The following GPC3 variants were observed in gnomAD, a reference collection of about 807,000 sequenced individuals.
GPC3 encodes the protein glypican-3.
Under a neutral mutation model 34.4 loss-of-function variants are expected in GPC3, and 3 were observed. That is an observed-to-expected ratio of 0.09 (90% confidence interval 0.04 to 0.23). The LOEUF is 0.23. Ranked by LOEUF, GPC3 falls within the 10% of genes least tolerant of loss-of-function variation. The pLI, the probability that GPC3 is intolerant of heterozygous loss-of-function variation, is 1.00. For synonymous variants in GPC3, 177 were observed against 174.0 expected, an observed-to-expected ratio of 1.02 and a Z score of -0.13; for missense variants, 351 against 445.6, an observed-to-expected ratio of 0.79 and a Z score of 1.91.
At chrX:133,728,598 G>GTATC (rs1443625704) in intron 3 of GPC3, among the ~76,000 whole-genome samples, 1 of 112,603 alleles carries the variant, frequency 8.9e-6, no homozygotes, top group Non-Finnish European at 1.9e-5. Flanking sequence ...TCTCAGCACT[G>GTATC]TATCTATGCA....
intron 3 of GPC3, among the ~76,000 whole-genome samples, chrX:133,729,785 T>G (rs1603234993): frequency 8.9e-6 from 1 of 112,189 alleles, no homozygotes. Context: ...AACATTTAAA[T>G]GTAACATTCA....
intron 7 of GPC3, among the ~76,000 whole-genome samples, chrX:133,577,911 C>T (rs2069700471): frequency 8.9e-6 from 1 of 111,794 alleles, no homozygotes. Context: ...CAGCTTTTAT[C>T]ATTCTAACAC....
intron 2 of GPC3, among the ~76,000 whole-genome samples, chrX:133,858,908 C>T (rs527741603): frequency 4.5e-4 from 49 of 109,291 alleles, no homozygotes; most frequent in Middle Eastern, 4.7e-3. Context: ...GGTGAAACCC[C>T]GTCTCTACTA....
At chrX:133,650,661 G>A (rs907137837) in intron 6 of GPC3, among the ~76,000 whole-genome samples, 1 of 111,079 alleles carries the variant, frequency 9.0e-6, no homozygotes, top group South Asian at 3.8e-4. Flanking sequence ...AACTGGAAAC[G>A]TTGTAGTCTC....
At chrX:133,791,867 CTCTT>C (rs2072167390) in intron 2 of GPC3, among the ~76,000 whole-genome samples, 2 of 96,577 alleles carry the variant, frequency 2.1e-5, no homozygotes. Context: ...CTCCCTCTCT[CTCTT>C]TCTTTTCTTT....
In GPC3 at chrX:133,827,521, A is replaced by G. The variant is rs759828645; in HGVS notation, c.338-73345T>C. Among the ~76,000 whole-genome samples the G allele has an allele frequency of 9.8e-5, 11 of 111,698 alleles. No individual in the cohort carries two copies. The South Asian group carries it at 4.1e-3, about 42-fold the overall frequency. On this transcript the variant is annotated intron_variant, in intron 2 of 7. Coordinates refer to ENST00000370818, the MANE Select transcript of GPC3 (RefSeq NM_004484.4). ...TTTTAGGCCGGGCATGGTGGCTCAC[A>G]CCTGTATTCCCAGCACTTTGGGAGG...
chrX:133,605,526 G>A (rs190488386), intron 6 of GPC3, among the ~76,000 whole-genome samples: 5 of 111,889 alleles, frequency 4.5e-5, no homozygotes, highest in African/African-American at 1.3e-4. Context: ...CACAGTGTTT[G>A]GTACAAAGTA....
At chrX:133,973,154 GT>G (rs889281632) in intron 1 of GPC3, among the ~76,000 whole-genome samples, 18 of 111,644 alleles carry the variant, frequency 1.6e-4, no homozygotes, top group Non-Finnish European at 3.0e-4. Flanking sequence ...TGTCACAGAA[GT>G]TGACAGAGTA....
In GPC3 at chrX:133,663,692, T is replaced by C. The variant is rs189793632; in HGVS notation, c.1293-1842A>G. ...TTAGGACTTGAATTTCAATTTTCAGTCACTCTCACTGGGTTCCCAAACCAG... is the reference window on the plus strand; with the variant it reads ...TTAGGACTTGAATTTCAATTTTCAGCCACTCTCACTGGGTTCCCAAACCAG... On this transcript the variant is annotated intron_variant, in intron 5 of 7. Transcript: ENST00000370818. Among the ~76,000 whole-genome samples the C allele has an allele frequency of 1.6e-4, 18 of 111,698 alleles. No homozygotes were observed. The East Asian group carries it at 4.3e-3, about 26-fold the overall frequency.
intron 6 of GPC3, among the ~76,000 whole-genome samples, chrX:133,604,807 G>A (rs2070028508): frequency 9.0e-6 from 1 of 111,516 alleles, no homozygotes; most frequent in Non-Finnish European, 1.9e-5. Context: ...AACTGATTTT[G>A]AACTATTTGG....
intron 6 of GPC3, among the ~76,000 whole-genome samples, chrX:133,602,851 AT>A (rs1418555972): frequency 2.7e-5 from 3 of 111,536 alleles, no homozygotes; most frequent in Admixed American, 9.6e-5. Flanking sequence ...AGAATTAAAC[AT>A]TTTTTAAGTT....
intron 5 of GPC3, among the ~76,000 whole-genome samples, chrX:133,683,749 G>A (rs1220881590): frequency 8.9e-6 from 1 of 112,279 alleles, no homozygotes; most frequent in African/African-American, 3.2e-5. Context: ...AGCATAAGCT[G>A]TGTTTTTCTC....
intron 2 of GPC3, among the ~76,000 whole-genome samples, chrX:133,866,306 C>T (rs916216680): frequency 5.4e-5 from 6 of 111,727 alleles, no homozygotes; most frequent in African/African-American, 2.0e-4. Flanking sequence ...CAGTAAATTG[C>T]GTGCTTTAAT....
chrX:133,550,118 A>G (rs2069422408), intron 7 of GPC3, among the ~76,000 whole-genome samples: 1 of 109,158 alleles, frequency 9.2e-6, no homozygotes, highest in Admixed American at 9.8e-5. Flanking sequence ...CGGGTTCAAG[A>G]GATTCTCCTG....
chrX:133,882,944 A>T (rs1603265460), intron 2 of GPC3, among the ~76,000 whole-genome samples: 1 of 111,056 alleles, frequency 9.0e-6, no homozygotes, highest in East Asian at 2.8e-4. Context: ...CTAAGGTCAT[A>T]TCCATCTTGT....
chrX:133,791,111 T>C (rs907448995), intron 2 of GPC3, among the ~76,000 whole-genome samples: 3 of 111,717 alleles, frequency 2.7e-5, no homozygotes, highest in African/African-American at 9.8e-5. Flanking sequence ...CACCACAGAG[T>C]TCTCCTGACT....
intron 2 of GPC3, among the ~76,000 whole-genome samples, chrX:133,943,300 T>C (rs1255864493): frequency 8.9e-6 from 1 of 112,480 alleles, no homozygotes; most frequent in African/African-American, 3.2e-5. Flanking sequence ...TACAGGACTA[T>C]TTGACTTAAA....
At chrX:133,984,836 T>G (rs2076558868) in intron 1 of GPC3, among the ~76,000 whole-genome samples, 1 of 105,945 alleles carries the variant, frequency 9.4e-6, no homozygotes, top group African/African-American at 3.5e-5. Flanking sequence ...GGGGTGGGGG[T>G]ACGTTGGGGA....
intron 7 of GPC3, among the ~76,000 whole-genome samples, chrX:133,537,725 G>C (rs1053736283): frequency 4.5e-5 from 5 of 111,902 alleles, no homozygotes; most frequent in African/African-American, 1.6e-4. Context: ...ACATCTCAAC[G>C]TTTCTTTAAT....
Sources: allele counts gnomAD v4.1 joint callset (sites outside exome capture counted in the v4.1 genomes callset), GRCh38; gene constraint gnomAD v4.1.1; transcripts MANE v1.5; gene names NCBI Gene and HGNC (gene_info 2026-07-23, HGNC 2026-07-21).